The following ZNF385D variants were observed in gnomAD, a reference collection of about 807,000 sequenced individuals.
ZNF385D encodes zinc finger protein 385D, also known as zinc finger protein 659.
In ZNF385D, 15 loss-of-function variants were observed where a neutral mutation model predicts 35.8. That is an observed-to-expected ratio of 0.42 (90% CI 0.28 to 0.64). The LOEUF (loss-of-function observed/expected upper bound fraction) is 0.64. ZNF385D is among the 30% of genes least tolerant of loss of function. The pLI, the probability that ZNF385D is intolerant of heterozygous loss-of-function variation, is 0.23. For missense variants in ZNF385D, 474 were observed against 494.6 expected, an observed-to-expected ratio of 0.96 and a Z score of 0.39; for synonymous variants, 212 against 186.8, an observed-to-expected ratio of 1.13 and a Z score of -1.10.
At chr3:22,129,550 T>C (rs1703651214) in intron 3 of ZNF385D, among the ~76,000 whole-genome samples, 1 of 152,124 alleles carries the variant, frequency 6.6e-6, no homozygotes, top group Non-Finnish European at 1.5e-5. Flanking sequence ...CAAGACAGAA[T>C]CCTCTTTACT....
intron 1 of ZNF385D, among the ~76,000 whole-genome samples, chr3:21,701,298 AG>A (rs1160008398): frequency 3.2e-3 from 6 of 1,856 alleles, no homozygotes; most frequent in African/African-American, 0.029. Context: ...TGGTGGCAAG[AG>A]AAAAATGAGA....
chr3:21,959,302 A>G (rs1702455525), intron 3 of ZNF385D, among the ~76,000 whole-genome samples: 1 of 152,164 alleles, frequency 6.6e-6, no homozygotes, highest in South Asian at 2.1e-4. Flanking sequence ...ACTGGCAAAT[A>G]AAAACAAATG....
rs557820323 is a variant in ZNF385D at position 22,314,186 on chromosome 3, G to C, written c.106+58264C>G. Among the ~76,000 whole-genome samples the C allele has an allele frequency of 3.2e-4, 49 of 152,122 alleles. 1 individual carries two copies. The East Asian group carries it at 8.7e-3, about 27-fold the overall frequency. On this transcript the variant is annotated intron_variant, in intron 2 of 5. Coordinates refer to the ZNF385D transcript ENST00000494108. ...AGTTGGTTATATGAGTAAGTTCTTT[G>C]ATGGTGATTTGTGAGATTTTGGTGC... is the stretch of plus-strand genomic sequence containing the variant.
chr3:21,701,856 C>T (rs143904557), intron 1 of ZNF385D, among the ~76,000 whole-genome samples: 1 of 152,310 alleles, frequency 6.6e-6, no homozygotes, highest in Non-Finnish European at 1.5e-5. Context: ...CTCCAGGTCT[C>T]ACATCCAGGT....
intron 3 of ZNF385D, among the ~76,000 whole-genome samples, chr3:21,812,740 G>C (rs1171491725): frequency 6.6e-6 from 1 of 152,210 alleles, no homozygotes; most frequent in South Asian, 2.1e-4. Context: ...AAGGAGGCCT[G>C]CCTGCCTCTG....
At chr3:21,718,187 A>T (rs969928090) in intron 1 of ZNF385D, among the ~76,000 whole-genome samples, 12 of 152,222 alleles carry the variant, frequency 7.9e-5, no homozygotes, top group African/African-American at 2.9e-4. Context: ...AGTAAGCCAT[A>T]TGGGCCTTCT....
chr3:21,609,968 A>G (rs2064617818), intron 2 of ZNF385D, among the ~76,000 whole-genome samples: 1 of 152,182 alleles, frequency 6.6e-6, no homozygotes, highest in African/African-American at 2.4e-5. Context: ...TGCGCAGGCA[A>G]ATAAATCTCC....
chr3:22,050,661 T>C (rs1351295886), intron 3 of ZNF385D, among the ~76,000 whole-genome samples: 1 of 152,216 alleles, frequency 6.6e-6, no homozygotes, highest in Non-Finnish European at 1.5e-5. Context: ...AAAGGCCACA[T>C]ATGTTTTACC....
intron 3 of ZNF385D, among the ~76,000 whole-genome samples, chr3:21,531,128 C>A (rs2061912215): frequency 6.6e-6 from 1 of 152,078 alleles, no homozygotes; most frequent in Admixed American, 6.6e-5. Flanking sequence ...AATCTTGGTA[C>A]AGATTATGAT....
At chr3:21,811,864 AATTGCATAATGAATAGATTAGGGT>A (rs2072934426) in intron 3 of ZNF385D, among the ~76,000 whole-genome samples, 1 of 152,182 alleles carries the variant, frequency 6.6e-6, no homozygotes, top group Admixed American at 6.5e-5. Flanking sequence ...ATGGATGGTG[AATTGCATAATGAATAGATTAGGGT>A]AACAAAACCT....
At position 22,188,582 on chromosome 3, in the gene ZNF385D, T is replaced by C. The variant is rs369103387; in HGVS notation, c.107-19547A>G. Among the ~76,000 whole-genome samples the C allele has an allele frequency of 9.2e-5, 14 of 152,156 alleles. 1 individual carries two copies. The South Asian group carries it at 2.9e-3, about 32-fold the overall frequency. On this transcript the variant is annotated intron_variant, in intron 2 of 5. Coordinates refer to the ZNF385D transcript ENST00000494108. The stretch of plus-strand genomic sequence containing the variant: ...CTCCTGCCTCAGCCTCCCGAGTAGC[T>C]GGGACTACAGGTGCCTGCCACCACA...
At chr3:21,457,206 G>A (rs140790086) in intron 4 of ZNF385D, among the ~76,000 whole-genome samples, 134 of 152,246 alleles carry the variant, frequency 8.8e-4, no homozygotes, top group African/African-American at 3.1e-3. Flanking sequence ...GTAGGAGGAG[G>A]TGGCAGAAAA....
chr3:22,362,466 T>C (rs1696458236), intron 2 of ZNF385D, among the ~76,000 whole-genome samples: 1 of 152,022 alleles, frequency 6.6e-6, no homozygotes, highest in Admixed American at 6.6e-5. Context: ...CTTTATGAGG[T>C]CCTCAAATAC....
chr3:22,372,490 T>C (rs960132591), exon 2 of ZNF385D: 1 of 985,680 alleles, frequency 1.0e-6, no homozygotes, highest in Non-Finnish European at 1.2e-6. Context: ...GGAGCTTTTC[T>C]CTCCTTCCTC....
chr3:21,800,686 G>A (rs1321083726), intron 3 of ZNF385D, among the ~76,000 whole-genome samples: 2 of 152,046 alleles, frequency 1.3e-5, no homozygotes, highest in African/African-American at 2.4e-5. Context: ...GCTTTTCTAA[G>A]TTCCTCTTTG....
At chr3:21,651,786 A>G (rs979176516) in intron 2 of ZNF385D, among the ~76,000 whole-genome samples, 6 of 152,146 alleles carry the variant, frequency 3.9e-5, no homozygotes, top group African/African-American at 1.4e-4. Context: ...AAACTAGAGC[A>G]ATTGCTTGAA....
intron 3 of ZNF385D, among the ~76,000 whole-genome samples, chr3:22,034,081 A>G (rs910525264): frequency 3.9e-5 from 6 of 152,160 alleles, no homozygotes; most frequent in Admixed American, 2.0e-4. Context: ...AGGATAGTAC[A>G]TTATATTAAC....
chr3:22,101,146 C>G (rs1178149519), intron 3 of ZNF385D, among the ~76,000 whole-genome samples: 1 of 151,768 alleles, frequency 6.6e-6, no homozygotes, highest in Non-Finnish European at 1.5e-5. Context: ...AAAATTTTTA[C>G]AAAAATAAAT....
chr3:21,550,871 A>G (rs1336767670), intron 3 of ZNF385D, among the ~76,000 whole-genome samples: 1 of 152,214 alleles, frequency 6.6e-6, no homozygotes, highest in African/African-American at 2.4e-5. Flanking sequence ...CAGGCCTTCA[A>G]GCAATGTTAT....
Sources: gnomAD v4.1 joint callset for allele counts (sites outside exome capture counted in the v4.1 genomes callset) on GRCh38, gnomAD v4.1.1 for gene constraint, MANE v1.5 for transcripts, NCBI Gene and HGNC (gene_info 2026-07-23, HGNC 2026-07-21) for gene names.